The following TMEM184B variants were observed in gnomAD, a reference collection of about 807,000 sequenced individuals.
TMEM184B encodes the protein transmembrane protein 184B.
TMEM184B carries 17 observed loss-of-function variants against 41.8 expected under a neutral mutation model. That is an observed-to-expected ratio of 0.41 (90% confidence interval 0.28 to 0.61). TMEM184B has a LOEUF of 0.61. Ranked by LOEUF, TMEM184B falls within the 20% of genes least tolerant of loss-of-function variation. TMEM184B has a pLI of 0.34. For synonymous variants in TMEM184B, 240 were observed against 229.5 expected, an observed-to-expected ratio of 1.05 and a Z score of -0.41; for missense variants, 393 against 557.8, an observed-to-expected ratio of 0.70 and a Z score of 2.98.
At chr22:38,231,362 A>G in intron 3 of TMEM184B, 28 bp from the exon 4 acceptor site, 2 of 1,578,618 alleles carry the variant, frequency 1.3e-6, no homozygotes, top group Non-Finnish European at 1.7e-6. Context: ...AGGAGAAACC[A>G]GTCAAATCAG....
Position 38,220,398 on chromosome 22 carries a change from G to A in TMEM184B, c.*1071C>T. 2.0e-6 allele frequency: 2 copies of A among 986,018 alleles called. No individual in the cohort carries two copies. The highest frequency in any genetic ancestry group is 2.4e-6 in the Non-Finnish European group (2 of 830,066). 61.1% of individuals were successfully genotyped at this position (986,018 alleles called of 1,614,324 possible). A position where few individuals can be genotyped will look rare whatever the true frequency, so the allele number is the denominator to read the frequency against. On this transcript the variant is annotated 3_prime_UTR_variant, in exon 9 of 9. Coordinates refer to ENST00000361906, the MANE Select transcript of TMEM184B (RefSeq NM_012264.5). ...TGTGACTAAGGCACAGAAGAGATGG[G>A]CCAGGGGCCAGATGGGGTAGAACAC...
chr22:38,267,598 G>A lies in TMEM184B; in HGVS notation c.-59+5286C>T, dbSNP rs192802816. 4.3e-4 allele frequency among the ~76,000 whole-genome samples: 66 copies of A among 152,018 alleles called. 1 individual carries two copies. The highest frequency in any genetic ancestry group is 1.5e-3 in the African/African-American group (64 of 41,452). Reference sequence around the variant, plus strand: ...CAGGCACATGCCACCACACCTGGCTGATTTTTGTATTTTTAGTAGAGACGG... The same window carrying A: ...CAGGCACATGCCACCACACCTGGCTAATTTTTGTATTTTTAGTAGAGACGG... On this transcript the variant is annotated intron_variant, in intron 1 of 8. Coordinates refer to ENST00000361906, the MANE Select transcript of TMEM184B (RefSeq NM_012264.5).
In TMEM184B at chr22:38,247,795, G is replaced by A. The variant is rs758107381; in HGVS notation, c.167C>T (p.Thr56Met). Reference protein sequence around the residue: ...AQAISGFFVWTALLITCHQIY... With the variant: ...AQAISGFFVWMALLITCHQIY... ...CTGGTGGCATGTGATGAGCAGGGCC[G>A]TCCACACGAAGAAGCCAGAGATGGC... The change falls in exon 2 of 9, where the codon ACG becomes ATG. Residue 56 changes from threonine (T) to methionine (M), a missense_variant. Thr to Met is a moderately conservative substitution (Grantham distance 81). This residue lies in a region of TMEM184B where 122 missense variants were observed against 123.7 expected (regional missense o/e 0.99). Coordinates refer to ENST00000361906, the MANE Select transcript of TMEM184B (RefSeq NM_012264.5). 12 of 1,613,894 alleles carry A rather than the reference G, an allele frequency of 7.4e-6. No homozygotes were observed. Among genetic ancestry groups the A allele is most frequent in the South Asian group, 4.4e-5 (4 of 91,032 alleles).
chr22:38,237,866 G>A (rs1318849831), intron 3 of TMEM184B, among the ~76,000 whole-genome samples: 1 of 151,664 alleles, frequency 6.6e-6, no homozygotes, highest in Non-Finnish European at 1.5e-5. Flanking sequence ...AATGGCAATG[G>A]CGCGATCTCA....
At chr22:38,261,291 G>A (rs948030968) in intron 1 of TMEM184B, among the ~76,000 whole-genome samples, 4 of 152,190 alleles carry the variant, frequency 2.6e-5, no homozygotes, top group Non-Finnish European at 5.9e-5. Context: ...TCTGCCTGGT[G>A]AGCCTTTTGA....
In TMEM184B at chr22:38,224,756, C is replaced by T. The variant is rs537064710; in HGVS notation, c.982+29G>A. 3.8e-5 allele frequency: 59 copies of T among 1,543,692 alleles called. No individual in the cohort carries two copies. In the South Asian group the frequency reaches 6.2e-4, roughly 16 times the overall value. On this transcript the variant is annotated intron_variant, in intron 8 of 8. Coordinates refer to ENST00000361906, the MANE Select transcript of TMEM184B (RefSeq NM_012264.5). Reference sequence around the variant, plus strand: ...GTTTGGGGCTCCCTGCTTCTCCCAGCGGGGGTCGCCTAGGACCCTGGCTCA... The same window carrying T: ...GTTTGGGGCTCCCTGCTTCTCCCAGTGGGGGTCGCCTAGGACCCTGGCTCA...
intron 3 of TMEM184B, among the ~76,000 whole-genome samples, chr22:38,233,818 G>T (rs2091699758): frequency 1.3e-5 from 2 of 151,960 alleles, no homozygotes; most frequent in South Asian, 4.2e-4. Flanking sequence ...CCCCTAGGCT[G>T]GAGTGCAGTG....
chr22:38,262,632 C>T (rs1017593195), intron 1 of TMEM184B, among the ~76,000 whole-genome samples: 4 of 152,192 alleles, frequency 2.6e-5, no homozygotes, highest in Admixed American at 6.5e-5. Context: ...GTGAGCCAAT[C>T]GGAGCAAGGG....
chr22:38,249,745 GA>G (rs1339692425), intron 1 of TMEM184B, among the ~76,000 whole-genome samples: 1 of 152,224 alleles, frequency 6.6e-6, no homozygotes, highest in African/African-American at 2.4e-5. Flanking sequence ...AGTGGCTCAA[GA>G]AGACTAAGGC....
intron 1 of TMEM184B, among the ~76,000 whole-genome samples, chr22:38,268,979 A>G (rs1051793914): frequency 3.2e-4 from 49 of 152,378 alleles, no homozygotes; most frequent in African/African-American, 1.1e-3. Flanking sequence ...TCCATCAGAC[A>G]TTGGTCAGGC....
chr22:38,219,246 G>C, downstream of TMEM184B: 2 of 985,514 alleles, frequency 2.0e-6, no homozygotes, highest in South Asian at 9.4e-5. Context: ...CCCAAAGCCA[G>C]AGCAGGGGGC....
chr22:38,230,908 C>G (rs2091598405), intron 4 of TMEM184B, among the ~76,000 whole-genome samples, 164 bp from the exon 5 acceptor site: 1 of 152,154 alleles, frequency 6.6e-6, no homozygotes, highest in Non-Finnish European at 1.5e-5. Context: ...CATGGCAGGG[C>G]ATCCGCACAT....
chr22:38,245,447 T>C, intron 3 of TMEM184B, among the ~76,000 whole-genome samples: 2 of 144,102 alleles, frequency 1.4e-5, no homozygotes, highest in Admixed American at 6.9e-5. Flanking sequence ...GGTACCTGCC[T>C]GAGACGCCAG....
chr22:38,264,204 G>A (rs1013509464), intron 1 of TMEM184B, among the ~76,000 whole-genome samples: 2 of 152,192 alleles, frequency 1.3e-5, no homozygotes, highest in African/African-American at 4.8e-5. Flanking sequence ...ACCCACACCG[G>A]CCCCAACTCA....
chr22:38,253,712 A>T (rs2092219158), intron 1 of TMEM184B, among the ~76,000 whole-genome samples: 1 of 152,234 alleles, frequency 6.6e-6, no homozygotes, highest in East Asian at 1.9e-4. Flanking sequence ...AAATATTTGA[A>T]ACCTAGAGAT....
At chr22:38,269,681 A>G (rs1277232851) in intron 1 of TMEM184B, among the ~76,000 whole-genome samples, 1 of 152,150 alleles carries the variant, frequency 6.6e-6, no homozygotes, top group Non-Finnish European at 1.5e-5. Flanking sequence ...TGGGCAACAG[A>G]GCGAGACTCC....
intron 3 of TMEM184B, among the ~76,000 whole-genome samples, chr22:38,243,305 G>A (rs1024641236): frequency 2.6e-5 from 4 of 152,198 alleles, no homozygotes; most frequent in Non-Finnish European, 5.9e-5. Context: ...CGCCTCTGGG[G>A]CACGGAGTGA....
chr22:38,253,756 T>C (rs936696049), intron 1 of TMEM184B, among the ~76,000 whole-genome samples: 9 of 152,048 alleles, frequency 5.9e-5, no homozygotes, highest in Admixed American at 4.6e-4. Context: ...ACCAAAAGCA[T>C]GATCCATAAA....
At chr22:38,246,292 C>A (rs2092028856) in intron 2 of TMEM184B, among the ~76,000 whole-genome samples, 192 bp from the exon 3 acceptor site, 1 of 152,188 alleles carries the variant, frequency 6.6e-6, no homozygotes, top group Non-Finnish European at 1.5e-5. Flanking sequence ...AGACTCAGAC[C>A]AGCGGGCGTG....
Sources: allele counts gnomAD v4.1 joint callset (sites outside exome capture counted in the v4.1 genomes callset), GRCh38; gene constraint gnomAD v4.1.1; regional missense constraint gnomAD v4.1.1; transcripts MANE v1.5; gene names NCBI Gene and HGNC (gene_info 2026-07-23, HGNC 2026-07-21).